The following RAB27A variants were observed in gnomAD, a reference collection of about 807,000 sequenced individuals.
RAB27A encodes RAB27A, member RAS oncogene family, also known as ras-related protein Rab-27A.
Under a neutral mutation model 20.8 loss-of-function variants are expected in RAB27A, and 17 were observed. The observed-to-expected ratio is 0.82, with a 90% CI of 0.56 to 1.23. The LOEUF is 1.23. Among genes scored for constraint, RAB27A ranks in the 50% most tolerant of loss-of-function variants. RAB27A has a pLI of 0.00. For missense variants in RAB27A, 277 were observed against 266.7 expected (o/e 1.04, Z -0.27); for synonymous variants, 85 against 92.8 (o/e 0.92, Z 0.48).
intron 6 of RAB27A, among the ~76,000 whole-genome samples, chr15:55,217,663 CAAAAAAAAAAAAAA>C (rs199813098): frequency 3.2e-4 from 14 of 43,550 alleles, no homozygotes; most frequent in African/African-American, 6.1e-4. Flanking sequence ...CACTCCATCT[CAAAAAAAAAAAAAA>C]AAAAAAAAAA....
chr15:55,215,544 C>T (rs1000612767), intron 6 of RAB27A, among the ~76,000 whole-genome samples: 2 of 148,398 alleles, frequency 1.3e-5, no homozygotes, highest in African/African-American at 5.1e-5. Context: ...CCCAGCTACT[C>T]GGGAGGCTGA....
chr15:55,218,895 A>G (rs767956408), intron 6 of RAB27A, among the ~76,000 whole-genome samples: 2 of 152,110 alleles, frequency 1.3e-5, no homozygotes, highest in South Asian at 2.1e-4. Flanking sequence ...GGCACCCACC[A>G]TCATACCCAG....
chr15:55,232,841 G>A (rs2140984566), intron 3 of RAB27A, among the ~76,000 whole-genome samples: 1 of 152,288 alleles, frequency 6.6e-6, no homozygotes, highest in South Asian at 2.1e-4. Context: ...TTAACTGCAG[G>A]CTGGGAGTGA....
intron 2 of RAB27A, among the ~76,000 whole-genome samples, chr15:55,241,052 T>C (rs1896459681): frequency 6.6e-6 from 1 of 152,212 alleles, no homozygotes; most frequent in Non-Finnish European, 1.5e-5. Flanking sequence ...ATGTAAGTAT[T>C]AGCTGTTATT....
intron 5 of RAB27A, among the ~76,000 whole-genome samples, chr15:55,224,629 C>T (rs1230871552): frequency 1.3e-5 from 2 of 152,090 alleles, no homozygotes; most frequent in African/African-American, 4.8e-5. Context: ...ATTCTTATTC[C>T]GCAGCTTTTA....
chr15:55,304,755 T>C (rs1418109195), intron 2 of RAB27A, among the ~76,000 whole-genome samples: 1 of 152,224 alleles, frequency 6.6e-6, no homozygotes, highest in African/African-American at 2.4e-5. Context: ...CATCAGTTAA[T>C]GGACACTTGG....
chr15:55,220,776 A>C (rs1895533822), intron 6 of RAB27A, among the ~76,000 whole-genome samples: 1 of 152,224 alleles, frequency 6.6e-6, no homozygotes, highest in Admixed American at 6.5e-5. Context: ...GAAACAAAAC[A>C]TCTGTGAAAA....
At chr15:55,304,015 T>C (rs1384438171) in intron 2 of RAB27A, among the ~76,000 whole-genome samples, 1 of 151,432 alleles carries the variant, frequency 6.6e-6, no homozygotes, top group Admixed American at 6.6e-5. Context: ...CTTTGTGGAA[T>C]AGAAAGGCGG....
chr15:55,312,982 G>A (rs1036622567), intron 2 of RAB27A, among the ~76,000 whole-genome samples: 1 of 152,174 alleles, frequency 6.6e-6, no homozygotes, highest in African/African-American at 2.4e-5. Context: ...CCCTGACAGA[G>A]GCTGCTCCTT....
At chr15:55,292,287 C>A (rs775783795), upstream of RAB27A, among the ~76,000 whole-genome samples, 1 of 152,296 alleles carries the variant, frequency 6.6e-6, no homozygotes, top group Admixed American at 6.5e-5. Flanking sequence ...ACTATTCTTA[C>A]CTCTGTATTA....
chr15:55,287,139 T>C (rs919188846), intron 1 of RAB27A, among the ~76,000 whole-genome samples: 1 of 151,914 alleles, frequency 6.6e-6, no homozygotes, highest in Admixed American at 6.6e-5. Context: ...AGCCTGGTCT[T>C]GAACTCCTGA....
chr15:55,228,269 C>G (rs1895887360), intron 5 of RAB27A, among the ~76,000 whole-genome samples: 1 of 152,130 alleles, frequency 6.6e-6, no homozygotes, highest in African/African-American at 2.4e-5. Context: ...AATAGACAAG[C>G]AGATACTTAG....
At chr15:55,208,814 T>C (rs963061596) in intron 6 of RAB27A, among the ~76,000 whole-genome samples, 1 of 152,176 alleles carries the variant, frequency 6.6e-6, no homozygotes, top group Non-Finnish European at 1.5e-5. Flanking sequence ...CTCTCTTAAG[T>C]AGCATGTCCT....
intron 2 of RAB27A, among the ~76,000 whole-genome samples, chr15:55,302,087 G>T (rs2054974565): frequency 6.6e-6 from 1 of 150,954 alleles, no homozygotes; most frequent in Admixed American, 6.6e-5. Flanking sequence ...TAAGGCAGGA[G>T]AATCGCTTGA....
At chr15:55,289,920 T>TGGCGGGG (rs1371278063), upstream of RAB27A, 6 of 151,900 alleles carry the variant, frequency 3.9e-5, no homozygotes, top group East Asian at 9.9e-4. Context: ...CCCGCCCGGC[T>TGGCGGGG]GGCGGGGGGC....
At chr15:55,211,024 C>T (rs1895002374) in intron 6 of RAB27A, among the ~76,000 whole-genome samples, 1 of 152,124 alleles carries the variant, frequency 6.6e-6, no homozygotes, top group East Asian at 1.9e-4. Context: ...AGAGAATGTC[C>T]TTTCCCCTCT....
intron 1 of RAB27A, among the ~76,000 whole-genome samples, chr15:55,277,495 C>T (rs144841077): frequency 1.7e-3 from 257 of 152,240 alleles, no homozygotes; most frequent in African/African-American, 5.6e-3. Context: ...GTATTTATTT[C>T]GTGTCTTTTG....
At chr15:55,232,141 C>T (rs1432448182) in intron 3 of RAB27A, among the ~76,000 whole-genome samples, 1 of 152,110 alleles carries the variant, frequency 6.6e-6, no homozygotes, top group African/African-American at 2.4e-5. Context: ...ACACATACCC[C>T]AACAAACACA....
chr15:55,238,771 TC>T (rs780241991), intron 2 of RAB27A, among the ~76,000 whole-genome samples: 39 of 152,202 alleles, frequency 2.6e-4, no homozygotes, highest in Non-Finnish European at 5.7e-4. Context: ...ATAATTCTGA[TC>T]CTTTTTGGCT....
Sources: gnomAD v4.1 joint callset for allele counts (sites outside exome capture counted in the v4.1 genomes callset) on GRCh38, gnomAD v4.1.1 for gene constraint, MANE v1.5 for transcripts, NCBI Gene and HGNC (gene_info 2026-07-23, HGNC 2026-07-21) for gene names.